PLCE1: variants seen among roughly 807,000 people sequenced by gnomAD.
PLCE1 encodes 1-phosphatidylinositol 4,5-bisphosphate phosphodiesterase epsilon-1.
In PLCE1, 119 loss-of-function variants were observed where a neutral mutation model predicts 242.8. That is an observed-to-expected ratio of 0.49 (90% confidence interval 0.42 to 0.57). The LOEUF (loss-of-function observed/expected upper bound fraction) is 0.57, where lower values mean the gene tolerates loss of function less well. Ranked by LOEUF, PLCE1 falls within the 20% of genes least tolerant of loss-of-function variation. The pLI, the probability that PLCE1 is intolerant of heterozygous loss-of-function variation, is 0.00. For synonymous variants in PLCE1, 945 were observed against 1,017.4 expected, an observed-to-expected ratio of 0.93 and a Z score of 1.35; for missense variants, 2,441 against 2,788.8, an observed-to-expected ratio of 0.88 and a Z score of 2.81.
At chr10:94,188,849 C>T (rs1317142913) in intron 4 of PLCE1, among the ~76,000 whole-genome samples, 5 of 152,118 alleles carry the variant, frequency 3.3e-5, no homozygotes, top group African/African-American at 7.2e-5. Flanking sequence ...AGGTGATCCA[C>T]CTGCCTTGGC....
At position 94,204,752 on chromosome 10, in the gene PLCE1, A is replaced by G. The variant is rs139868559; in HGVS notation, c.1810-22554A>G. On this transcript the variant is annotated intron_variant, in intron 4 of 32. Coordinates refer to ENST00000371380, the MANE Select transcript of PLCE1 (RefSeq NM_016341.4). ...GGAAGGAAAGAAGAAGGGAGGGAGG[A>G]AGGAAGGAAGGAAGGAAGGAAGGAA... Among the ~76,000 whole-genome samples the G allele has an allele frequency of 7.5e-3, 577 of 76,836 alleles. 2 individuals are homozygous for G. Among genetic ancestry groups the G allele is most frequent in the African/African-American group, 0.023 (449 of 19,398 alleles). 50.4% of individuals were successfully genotyped at this position (76,836 alleles called of 152,430 possible).
At chr10:94,053,613 G>A (rs2043824989) in intron 2 of PLCE1, among the ~76,000 whole-genome samples, 1 of 152,200 alleles carries the variant, frequency 6.6e-6, no homozygotes, top group Admixed American at 6.5e-5. Context: ...CCTCAAGAAA[G>A]GCTTATTGAA....
chr10:94,141,126 T>G (rs2046941551), intron 3 of PLCE1, among the ~76,000 whole-genome samples: 1 of 152,180 alleles, frequency 6.6e-6, no homozygotes, highest in East Asian at 1.9e-4. Flanking sequence ...TATGAGTAGG[T>G]CATAGGGCCA....
chr10:94,113,493 G>A (rs2046019180), intron 2 of PLCE1, among the ~76,000 whole-genome samples: 1 of 152,208 alleles, frequency 6.6e-6, no homozygotes, highest in Non-Finnish European at 1.5e-5. Context: ...TGTTCAGAGG[G>A]TGGATGGGCT....
At chr10:94,059,461 GA>G in intron 2 of PLCE1, among the ~76,000 whole-genome samples, 1 of 152,104 alleles carries the variant, frequency 6.6e-6, no homozygotes. Flanking sequence ...GGAGATCTCA[GA>G]TGAGGGATGT....
At chr10:94,208,049 T>C (rs2136899396) in intron 4 of PLCE1, among the ~76,000 whole-genome samples, 1 of 152,332 alleles carries the variant, frequency 6.6e-6, no homozygotes, top group African/African-American at 2.4e-5. Flanking sequence ...ATTCCGGTGG[T>C]ATTTATCAAT....
Position 94,306,164 on chromosome 10 carries a change from G to T in PLCE1, c.5623-263G>T, listed in dbSNP as rs991323526. On this transcript the variant is annotated intron_variant, in intron 25 of 32. Transcript: ENST00000371380. The surrounding 1 kb of genome is among the most constrained non-coding windows in gnomAD (Gnocchi z 5.7). ...TTTTTTGTATTTTAGTAGAGACAGGGTTTCACCATGTTGGCCAGGATGGTC... is the reference window on the plus strand; with the variant it reads ...TTTTTTGTATTTTAGTAGAGACAGGTTTTCACCATGTTGGCCAGGATGGTC... Among the ~76,000 whole-genome samples, 2 of 152,072 alleles carry T rather than the reference G, an allele frequency of 1.3e-5. No homozygotes were observed. The highest frequency in any genetic ancestry group is 2.9e-5 in the Non-Finnish European group (2 of 68,022).
chr10:94,310,285 C>A (rs1315716602), intron 27 of PLCE1, among the ~76,000 whole-genome samples: 1 of 152,224 alleles, frequency 6.6e-6, no homozygotes, highest in African/African-American at 2.4e-5. Context: ...CCTGCCCTCA[C>A]CACTATCAGT....
At chr10:94,319,508 T>C (rs2053702306) in intron 29 of PLCE1, among the ~76,000 whole-genome samples, 3 of 152,182 alleles carry the variant, frequency 2.0e-5, no homozygotes, top group Admixed American at 6.5e-5. Flanking sequence ...TTTATAATTT[T>C]CTTGTCTCCT....
At chr10:94,075,889 A>G (rs1402013431) in intron 2 of PLCE1, among the ~76,000 whole-genome samples, 1 of 152,228 alleles carries the variant, frequency 6.6e-6, no homozygotes, top group East Asian at 1.9e-4. Context: ...GTGTAATAAA[A>G]ACAGCTAATG....
rs1272096947 is a variant in PLCE1 at position 94,283,922 on chromosome 10, G to A, written c.4917+11G>A. 9.9e-6 allele frequency: 16 copies of A among 1,608,646 alleles called. No homozygotes were observed. The highest frequency in any genetic ancestry group is 6.7e-5 in the Admixed American group (4 of 59,794). On this transcript the variant is annotated intron_variant, in intron 21 of 32. Transcript: ENST00000371380. ...TGCAACAAAGGAAAGGTGGGTGAAC[G>A]GTTTCTGTTAAATGACACTTTGACC... is the stretch of plus-strand genomic sequence containing the variant.
intron 23 of PLCE1, among the ~76,000 whole-genome samples, chr10:94,297,230 A>G (rs2052859704): frequency 6.6e-6 from 1 of 151,962 alleles, no homozygotes; most frequent in South Asian, 2.1e-4. Flanking sequence ...TTAGAGGCCA[A>G]TGTAGGGTTA....
At chr10:94,121,930 A>T (rs1032894330) in intron 2 of PLCE1, among the ~76,000 whole-genome samples, 1 of 152,164 alleles carries the variant, frequency 6.6e-6, no homozygotes, top group Non-Finnish European at 1.5e-5. Context: ...CACACTGGAC[A>T]TTTCCAGCTG....
chr10:94,294,794 C>A (rs548973003), intron 23 of PLCE1, among the ~76,000 whole-genome samples: 5 of 152,026 alleles, frequency 3.3e-5, no homozygotes, highest in Admixed American at 6.6e-5. Flanking sequence ...GGGTGTCTGG[C>A]AGTTTCTTAC....
intron 1 of PLCE1, among the ~76,000 whole-genome samples, chr10:94,002,766 C>T (rs1223819324): frequency 6.6e-6 from 1 of 152,136 alleles, no homozygotes; most frequent in Non-Finnish European, 1.5e-5. Context: ...CCTAAGCTAC[C>T]TAGCTGGGGA....
chr10:94,199,309 G>A (rs1264414164), intron 4 of PLCE1, among the ~76,000 whole-genome samples: 1 of 152,196 alleles, frequency 6.6e-6, no homozygotes, highest in African/African-American at 2.4e-5. Context: ...GGCATTCACA[G>A]CAACAATGTG....
In PLCE1 at chr10:94,279,796, A is replaced by C; in HGVS notation, c.4680A>C (p.Ala1560=). The change falls in exon 20 of 33, where the codon GCA becomes GCC. Residue 1560 remains alanine, a synonymous_variant. Transcript: ENST00000371380. ...CTATTTTACAGGCTCATCAGTTAGC[A>C]TCTATGCAAGTGCAGGCTTATAATG... ...DILKQKAHQL[A]SMQVQAYNGG... is the part of the protein sequence containing the mutation. 6.2e-7 allele frequency: 1 copy of C among 1,613,810 alleles called. No homozygotes were observed. Among genetic ancestry groups the C allele is most frequent in the Non-Finnish European group, 8.5e-7 (1 of 1,179,786 alleles).
At chr10:94,173,652 C>T (rs1361150180) in intron 4 of PLCE1, among the ~76,000 whole-genome samples, 2 of 152,110 alleles carry the variant, frequency 1.3e-5, no homozygotes, top group Admixed American at 6.6e-5. Flanking sequence ...GAATCAAAGA[C>T]GAATCAGTGA....
At position 94,179,530 on chromosome 10, in the gene PLCE1, T is replaced by TTTTTTTTTTTTA. The variant is rs10636243; in HGVS notation, c.1809+8034_1809+8035insTTTTTTTTTTTA. ...TAGTTTAGTTTTTTTTTTTTTTTTT[T>TTTTTTTTTTTTA]GACAGGGTCTCTGTTGCCCAGGCTG... On this transcript the variant is annotated intron_variant, in intron 4 of 32. Transcript: ENST00000371380. Among the ~76,000 whole-genome samples the TTTTTTTTTTTTA allele has an allele frequency of 5.9e-5, 7 of 118,822 alleles. No homozygotes were observed. In the East Asian group the frequency reaches 1.3e-3, roughly 22 times the overall value. 78.0% of individuals were successfully genotyped at this position (118,822 alleles called of 152,430 possible).
Sources: allele counts gnomAD v4.1 joint callset (sites outside exome capture counted in the v4.1 genomes callset), GRCh38; gene constraint gnomAD v4.1.1; non-coding constraint Gnocchi (gnomAD v3.1); transcripts MANE v1.5; gene names NCBI Gene and HGNC (gene_info 2026-07-23, HGNC 2026-07-21).